NUP37: variants seen among roughly 807,000 people sequenced by gnomAD.
NUP37 encodes nucleoporin Nup37.
A neutral mutation model predicts 45.4 loss-of-function variants in NUP37; 33 were observed. The ratio of observed to expected loss-of-function variants is 0.73; its 90% CI spans 0.55 to 0.97. The LOEUF (loss-of-function observed/expected upper bound fraction) is 0.97. NUP37 is among the 50% of genes least tolerant of loss of function. The pLI, the probability that NUP37 is intolerant of heterozygous loss-of-function variation, is 0.00. For missense variants in NUP37, 365 were observed against 389.7 expected, an observed-to-expected ratio of 0.94 and a Z score of 0.53; for synonymous variants, 127 against 130.7, an observed-to-expected ratio of 0.97 and a Z score of 0.19.
intron 3 of NUP37, among the ~76,000 whole-genome samples, chr12:102,109,212 G>T (rs901193687): frequency 1.3e-5 from 2 of 152,050 alleles, no homozygotes; most frequent in East Asian, 3.8e-4. Context: ...TAGCCACTAC[G>T]CAAGAAAAGC....
chr12:102,089,718 G>A (rs999730077), intron 5 of NUP37, among the ~76,000 whole-genome samples: 1 of 149,692 alleles, frequency 6.7e-6, no homozygotes, highest in Non-Finnish European at 1.5e-5. Flanking sequence ...TCCCAGACGA[G>A]GCGGCCGGGC....
chr12:102,103,043 CT>C (rs61577226), intron 3 of NUP37, among the ~76,000 whole-genome samples: 42,847 of 151,722 alleles, frequency 0.28, 6,515 homozygotes, highest in East Asian at 0.42. Context: ...CGGGTTTGTT[CT>C]TTTTTTTGCT....
In NUP37 at chr12:102,111,316, C is replaced by G. The variant is rs910012069; in HGVS notation, c.281+792G>C. Among the ~76,000 whole-genome samples, 3 of 152,136 alleles carry G rather than the reference C, an allele frequency of 2.0e-5. No homozygotes were observed. The East Asian group carries it at 5.8e-4, about 29-fold the overall frequency. ...AATGATTAACTGGGAAGAAGTATGA[C>G]GAAACTTTCTTGGGTGACAGAAACA... is the stretch of plus-strand genomic sequence containing the variant. On this transcript the variant is annotated intron_variant, in intron 3 of 9. Coordinates refer to ENST00000552283, the MANE Select transcript of NUP37 (RefSeq NM_024057.4).
At chr12:102,078,760 T>C (rs1411240982) in intron 6 of NUP37, among the ~76,000 whole-genome samples, 2 of 152,324 alleles carry the variant, frequency 1.3e-5, no homozygotes, top group Non-Finnish European at 2.9e-5. Flanking sequence ...CAAAAAATAG[T>C]AGCTATTACT....
chr12:102,106,633 C>G lies in NUP37; in HGVS notation c.281+5475G>C, dbSNP rs550751154. Reference sequence around the variant, plus strand: ...TTATCATTACTTTCATTTAACCTAACAAATACCTATATTTAATTAACAATG... The same window carrying G: ...TTATCATTACTTTCATTTAACCTAAGAAATACCTATATTTAATTAACAATG... On this transcript the variant is annotated intron_variant, in intron 3 of 9. Transcript: ENST00000552283. Among the ~76,000 whole-genome samples the G allele has an allele frequency of 7.7e-4, 117 of 152,216 alleles. 2 individuals are homozygous for G. Among genetic ancestry groups the G allele is most frequent in the Admixed American group, 5.2e-4 (8 of 15,278 alleles).
At chr12:102,076,174 C>T (rs529852968) in intron 8 of NUP37, among the ~76,000 whole-genome samples, 7 of 152,276 alleles carry the variant, frequency 4.6e-5, no homozygotes, top group East Asian at 1.9e-4. Context: ...TGTATCTTAA[C>T]GATCCATGGC....
chr12:102,105,861 C>CA (rs759252411), intron 3 of NUP37, among the ~76,000 whole-genome samples: 18,512 of 73,306 alleles, frequency 0.25, 1,831 homozygotes, highest in East Asian at 0.5. Flanking sequence ...GACTCCCTCT[C>CA]AAAAAAAAAA....
intron 5 of NUP37, 69 bp downstream of exon 5, chr12:102,099,037 C>CA: frequency 9.8e-7 from 1 of 1,020,942 alleles, no homozygotes; most frequent in East Asian, 2.5e-5. Context: ...ATTTTTTTTT[C>CA]TCATTTTAAA....
intron 5 of NUP37, among the ~76,000 whole-genome samples, chr12:102,086,504 C>T (rs989974458): frequency 3.3e-5 from 5 of 152,234 alleles, no homozygotes. Context: ...GCATTTGGTT[C>T]TTCCTGTTCT....
intron 2 of NUP37, among the ~76,000 whole-genome samples, chr12:102,115,554 T>C (rs1202779583): frequency 6.6e-6 from 1 of 152,248 alleles, no homozygotes; most frequent in Non-Finnish European, 1.5e-5. Flanking sequence ...CTTAAGGATA[T>C]GGTCCTTGCT....
intron 5 of NUP37, among the ~76,000 whole-genome samples, chr12:102,091,159 G>C (rs1217202995): frequency 6.6e-6 from 1 of 152,088 alleles, no homozygotes; most frequent in Non-Finnish European, 1.5e-5. Context: ...CACCTTGGGA[G>C]GCTGAGGCAG....
intron 2 of NUP37, among the ~76,000 whole-genome samples, chr12:102,116,582 A>T (rs945752383): frequency 6.6e-6 from 1 of 152,178 alleles, no homozygotes. Flanking sequence ...TTCTACTCAG[A>T]CAGCAACAAA....
chr12:102,113,073 T>C (rs1373909169), intron 2 of NUP37, among the ~76,000 whole-genome samples: 1 of 152,204 alleles, frequency 6.6e-6, no homozygotes, highest in African/African-American at 2.4e-5. Context: ...CATCTGTCGC[T>C]GGCAATGGAG....
At chr12:102,116,608 C>CA (rs1226150147) in intron 2 of NUP37, among the ~76,000 whole-genome samples, 2 of 152,216 alleles carry the variant, frequency 1.3e-5, no homozygotes, top group East Asian at 3.8e-4. Context: ...ACTTTCAATT[C>CA]ACACTTCCTC....
At chr12:102,100,013 C>T (rs908077191) in intron 4 of NUP37, among the ~76,000 whole-genome samples, 5 of 151,914 alleles carry the variant, frequency 3.3e-5, no homozygotes, top group African/African-American at 9.7e-5. Flanking sequence ...AGATTTGGGT[C>T]AAACATTCCT....
chr12:102,109,396 C>G (rs1466566253), intron 3 of NUP37, among the ~76,000 whole-genome samples: 1 of 151,864 alleles, frequency 6.6e-6, no homozygotes, highest in African/African-American at 2.4e-5. Flanking sequence ...TTTTAGAATA[C>G]TATAAAAAAG....
intron 1 of NUP37, among the ~76,000 whole-genome samples, 163 bp from the exon 2 acceptor site, chr12:102,118,746 T>C (rs1443569588): frequency 1.3e-5 from 2 of 152,206 alleles, no homozygotes; most frequent in Non-Finnish European, 2.9e-5. Flanking sequence ...TTAAATCTAG[T>C]TATTAATGGT....
At chr12:102,077,546 A>C in intron 6 of NUP37, 43 bp from the exon 7 acceptor site, 287 of 1,534,714 alleles carry the variant, frequency 1.9e-4, no homozygotes, top group Non-Finnish European at 2.3e-4. Context: ...CACTTATCTC[A>C]CTAACTATAC....
chr12:102,107,903 G>A (rs1272034154), intron 3 of NUP37, among the ~76,000 whole-genome samples: 2 of 152,160 alleles, frequency 1.3e-5, no homozygotes, highest in Admixed American at 6.5e-5. Context: ...GCCTTTAAGG[G>A]GAAGGAAGAA....
Sources: allele counts gnomAD v4.1 joint callset (sites outside exome capture counted in the v4.1 genomes callset), GRCh38; gene constraint gnomAD v4.1.1; transcripts MANE v1.5; gene names NCBI Gene and HGNC (gene_info 2026-07-23, HGNC 2026-07-21).